Variants in PIK3AP1 observed in about 807,000 individuals in gnomAD.
PIK3AP1 encodes the protein phosphoinositide-3-kinase adaptor protein 1, also known as phosphoinositide 3-kinase adapter protein 1.
A neutral mutation model predicts 88.1 loss-of-function variants in PIK3AP1; 21 were observed. The ratio of observed to expected loss-of-function variants is 0.24; its 90% CI spans 0.17 to 0.34. The LOEUF is 0.34. Ranked by LOEUF, PIK3AP1 falls within the 10% of genes least tolerant of loss-of-function variation. PIK3AP1 has a pLI of 1.00. For synonymous variants in PIK3AP1, 398 were observed against 400.0 expected, an observed-to-expected ratio of 1.00 and a Z score of 0.06; for missense variants, 828 against 1,035.7, an observed-to-expected ratio of 0.80 and a Z score of 2.75.
At chr10:96,637,313 A>ATCACTCAC (rs1554956462) in intron 8 of PIK3AP1, among the ~76,000 whole-genome samples, 1 of 69,898 alleles carries the variant, frequency 1.4e-5, no homozygotes, top group African/African-American at 6.1e-5. Flanking sequence ...GAGATATACA[A>ATCACTCAC]TCACACACAC....
chr10:96,603,978 C>T lies in PIK3AP1; in HGVS notation c.2241+1G>A. On this transcript the variant is annotated splice_donor_variant, in intron 15 of 16. Transcript: ENST00000339364. LOFTEE classifies it high-confidence loss of function. ...AGGTGGGGTGGAGTCCCAGCTCTCA[C>T]CTCGTTGTCCCCTTCCATCCCGCTG... 6.2e-7 allele frequency: 1 copy of T among 1,601,458 alleles called. No individual in the cohort carries two copies. Among genetic ancestry groups the T allele is most frequent in the Non-Finnish European group, 8.5e-7 (1 of 1,172,704 alleles).
In PIK3AP1 at chr10:96,610,222, G is replaced by C. The variant is rs1849084189; in HGVS notation, c.2015-355C>G. The stretch of plus-strand genomic sequence containing the variant: ...GCATCTGTGGAACTCCAGCAAGACA[G>C]TTCTCCTCTCTGAATCACTCCCCTT... On this transcript the variant is annotated intron_variant, in intron 13 of 16. Transcript: ENST00000339364. Among the ~76,000 whole-genome samples, 4 of 152,310 alleles carry C rather than the reference G, an allele frequency of 2.6e-5. No homozygotes were observed. In the South Asian group the frequency reaches 8.3e-4, roughly 32 times the overall value.
chr10:96,665,362 A>G (rs1004322793), intron 2 of PIK3AP1, among the ~76,000 whole-genome samples: 1 of 152,214 alleles, frequency 6.6e-6, no homozygotes, highest in African/African-American at 2.4e-5. Flanking sequence ...ACGAGCGAAC[A>G]TTGGTATATT....
chr10:96,665,326 GTGCTTTC>G (rs576182525), intron 2 of PIK3AP1, among the ~76,000 whole-genome samples: 252 of 152,314 alleles, frequency 1.7e-3, no homozygotes, highest in African/African-American at 5.9e-3. Flanking sequence ...GAGAACTTGA[GTGCTTTC>G]TCTTATCAGA....
chr10:96,637,507 C>T (rs1047207631), intron 8 of PIK3AP1, among the ~76,000 whole-genome samples: 83 of 152,136 alleles, frequency 5.5e-4, no homozygotes, highest in African/African-American at 1.9e-3. Context: ...CACCACCATG[C>T]CTGGCTAATT....
At chr10:96,628,887 TAC>T (rs1564961205) in intron 8 of PIK3AP1, among the ~76,000 whole-genome samples, 1,112 of 40,632 alleles carry the variant, frequency 0.027, 33 homozygotes, top group African/African-American at 0.089. Flanking sequence ...TATATATATA[TAC>T]ATATATATAT....
Position 96,602,396 on chromosome 10 carries a change from A to G in PIK3AP1, c.2244T>C (p.Asp748=). The part of the protein sequence containing the change: ...VSSGMEGDNE[D]NEVPEVTRSR... ...TTCTGGTAACCTCAGGGACTTCATTATCCTACAGCAAAGAAGATGAGAAAG... is the reference window on the plus strand; with the variant it reads ...TTCTGGTAACCTCAGGGACTTCATTGTCCTACAGCAAAGAAGATGAGAAAG... Residue 748 remains aspartate, a splice_region_variant and synonymous_variant, in exon 16 of 17, where the codon GAT becomes GAC. Coordinates refer to ENST00000339364, the MANE Select transcript of PIK3AP1 (RefSeq NM_152309.3). The G allele has an allele frequency of 6.2e-7, 1 of 1,609,176 alleles. No homozygotes were observed. Among genetic ancestry groups the G allele is most frequent in the Non-Finnish European group, 8.5e-7 (1 of 1,175,924 alleles).
chr10:96,673,466 C>T (rs1282497621), intron 2 of PIK3AP1, among the ~76,000 whole-genome samples: 2 of 152,130 alleles, frequency 1.3e-5, no homozygotes, highest in Non-Finnish European at 1.5e-5. Context: ...CAGGAAACCC[C>T]AGTGTTGCTA....
intron 1 of PIK3AP1, among the ~76,000 whole-genome samples, chr10:96,715,251 A>G (rs962408829): frequency 2.0e-5 from 3 of 152,228 alleles, no homozygotes; most frequent in East Asian, 1.9e-4. Context: ...ATAACTGACC[A>G]GTACTCCTCA....
At chr10:96,646,944 T>C (rs943759808) in intron 7 of PIK3AP1, among the ~76,000 whole-genome samples, 6 of 152,204 alleles carry the variant, frequency 3.9e-5, no homozygotes, top group Non-Finnish European at 7.3e-5. Context: ...TAATCTTTTA[T>C]TGACACTTCG....
At chr10:96,708,293 G>C (rs1456009190) in intron 2 of PIK3AP1, among the ~76,000 whole-genome samples, 1 of 152,128 alleles carries the variant, frequency 6.6e-6, no homozygotes, top group African/African-American at 2.4e-5. Context: ...AACAAAAAGA[G>C]GCTAGGCGTG....
At chr10:96,612,994 T>G (rs1358051819) in intron 13 of PIK3AP1, among the ~76,000 whole-genome samples, 1 of 41,692 alleles carries the variant, frequency 2.4e-5, no homozygotes, top group African/African-American at 7.9e-5. Flanking sequence ...TTTTTTTTTT[T>G]TTTTTTTTTT....
chr10:96,652,022 T>C (rs1843545440), intron 4 of PIK3AP1, among the ~76,000 whole-genome samples: 1 of 151,736 alleles, frequency 6.6e-6, no homozygotes, highest in Non-Finnish European at 1.5e-5. Context: ...TCATGGGAGG[T>C]GAAACTGTGT....
intron 6 of PIK3AP1, among the ~76,000 whole-genome samples, chr10:96,650,835 G>C (rs956364058): frequency 6.6e-6 from 1 of 152,198 alleles, no homozygotes; most frequent in African/African-American, 2.4e-5. Flanking sequence ...AGACAAGAGG[G>C]AGTGTGGAGA....
chr10:96,664,426 A>T (rs1843733929), intron 2 of PIK3AP1, among the ~76,000 whole-genome samples: 2 of 152,118 alleles, frequency 1.3e-5, no homozygotes, highest in African/African-American at 4.8e-5. Flanking sequence ...AGTATTTTCC[A>T]TAGTGAGAAA....
intron 2 of PIK3AP1, among the ~76,000 whole-genome samples, chr10:96,682,278 GA>G (rs907659251): frequency 2.0e-5 from 3 of 151,932 alleles, no homozygotes; most frequent in African/African-American, 7.3e-5. Context: ...CTCCTCTGCT[GA>G]TTTTTTTTTT....
At chr10:96,668,216 T>A (rs1843792507) in intron 2 of PIK3AP1, among the ~76,000 whole-genome samples, 1 of 152,328 alleles carries the variant, frequency 6.6e-6, no homozygotes, top group African/African-American at 2.4e-5. Context: ...CCACAATTTT[T>A]AAAAATTAAC....
At chr10:96,623,650 T>A (rs149105293) in intron 10 of PIK3AP1, 113 bp from the exon 11 acceptor site, 1 of 916,150 alleles carries the variant, frequency 1.1e-6, no homozygotes, top group Non-Finnish European at 1.7e-6. Flanking sequence ...TAAATCAAAA[T>A]TGTAGAAAGA....
Position 96,711,739 on chromosome 10 carries a change from A to ATTTTTTTTTTTTTT in PIK3AP1, c.14-1770_14-1757dup, listed in dbSNP as rs763923650. 3.2e-4 allele frequency among the ~76,000 whole-genome samples: 21 copies of ATTTTTTTTTTTTTT among 66,446 alleles called. 2 individuals are homozygous for ATTTTTTTTTTTTTT. The highest frequency in any genetic ancestry group is 1.3e-3 in the African/African-American group (19 of 14,256). The allele number at this position is 66,446 out of a possible 152,430, so 43.6% of individuals were successfully genotyped here. A position where few individuals can be genotyped will look rare whatever the true frequency, so the allele number is the denominator to read the frequency against. Reference sequence around the variant, plus strand: ...ATTTCCCCCAGGATGAGATTACCAAATTTTTTTTTTTTTTTTTTTTTTTTT... The same window carrying ATTTTTTTTTTTTTT: ...ATTTCCCCCAGGATGAGATTACCAAATTTTTTTTTTTTTTTTTTTTTTTTTTTTTTTTTTTTTTT... On this transcript the variant is annotated intron_variant, in intron 1 of 16. Coordinates refer to ENST00000339364, the MANE Select transcript of PIK3AP1 (RefSeq NM_152309.3).
Sources: gnomAD v4.1 joint callset for allele counts (sites outside exome capture counted in the v4.1 genomes callset) on GRCh38, gnomAD v4.1.1 for gene constraint, MANE v1.5 for transcripts, NCBI Gene and HGNC (gene_info 2026-07-23, HGNC 2026-07-21) for gene names.